The following USP10 variants were observed in gnomAD, a reference collection of about 807,000 sequenced individuals.
The protein encoded by USP10 is ubiquitin carboxyl-terminal hydrolase 10.
In USP10, 22 loss-of-function variants were observed where a neutral mutation model predicts 84.5. That is an observed-to-expected ratio of 0.26 (90% CI 0.19 to 0.37). USP10 has a LOEUF of 0.37. USP10 is among the 10% of genes least tolerant of loss of function. USP10 has a pLI of 1.00. For missense variants in USP10, 1,019 were observed against 998.9 expected (o/e 1.02, Z -0.27); for synonymous variants, 454 against 387.6 (o/e 1.17, Z -2.01).
intron 13 of USP10, among the ~76,000 whole-genome samples, chr16:84,776,653 TGCGGGG>T (rs1915052464): frequency 6.6e-6 from 1 of 152,074 alleles, no homozygotes; most frequent in African/African-American, 2.4e-5. Flanking sequence ...TGGAGGCTCT[TGCGGGG>T]GACATCACTG....
intron 1 of USP10, among the ~76,000 whole-genome samples, chr16:84,720,959 T>C (rs1395428262): frequency 6.8e-6 from 1 of 148,040 alleles, no homozygotes; most frequent in African/African-American, 2.5e-5. Flanking sequence ...AGTGGCGCGA[T>C]CTCAGCTCAC....
At chr16:84,716,351 A>G (rs939636571) in intron 1 of USP10, 6 of 152,176 alleles carry the variant, frequency 3.9e-5, no homozygotes, top group Admixed American at 3.3e-4. Flanking sequence ...TCAGGTTCCA[A>G]TCCTGTTCCA....
intron 3 of USP10, among the ~76,000 whole-genome samples, chr16:84,743,123 C>G (rs1159444193): frequency 6.6e-6 from 1 of 152,140 alleles, no homozygotes; most frequent in African/African-American, 2.4e-5. Context: ...AACAGCCAGC[C>G]CCTACATATG....
In USP10 at chr16:84,779,298, T is replaced by G; in HGVS notation, c.*216T>G. 1 of 450,724 alleles carries G rather than the reference T, an allele frequency of 2.2e-6. No individual in the cohort carries two copies. Among genetic ancestry groups the G allele is most frequent in the Non-Finnish European group, 3.9e-6 (1 of 256,014 alleles). 27.9% of individuals were successfully genotyped at this position (450,724 alleles called of 1,614,324 possible). A position where few individuals can be genotyped will look rare whatever the true frequency, so the allele number is the denominator to read the frequency against. On this transcript the variant is annotated 3_prime_UTR_variant, in exon 14 of 14. Coordinates refer to ENST00000219473, the MANE Select transcript of USP10 (RefSeq NM_005153.3). ...AAAATCATTTGGTTGAAACAGACTGTTGCTTGATTTTAGAAAATACACAAA... is the reference window on the plus strand; with the variant it reads ...AAAATCATTTGGTTGAAACAGACTGGTGCTTGATTTTAGAAAATACACAAA...
chr16:84,748,221 T>G (rs990793779), intron 4 of USP10, among the ~76,000 whole-genome samples: 5 of 151,852 alleles, frequency 3.3e-5, no homozygotes, highest in Non-Finnish European at 5.9e-5. Flanking sequence ...AGTTAAAAGT[T>G]TATTTTTAAC....
intron 1 of USP10, among the ~76,000 whole-genome samples, chr16:84,714,122 G>T (rs1460351546): frequency 6.6e-6 from 1 of 152,184 alleles, no homozygotes; most frequent in Admixed American, 6.5e-5. Context: ...GGTGAGCACA[G>T]AGGCGGAGGT....
At chr16:84,765,290 G>A (rs1913727896) in intron 10 of USP10, among the ~76,000 whole-genome samples, 1 of 152,020 alleles carries the variant, frequency 6.6e-6, no homozygotes, top group African/African-American at 2.4e-5. Context: ...AAGAGCAGCT[G>A]CAGTTTTACT....
chr16:84,735,365 A>G (rs1231595058), intron 2 of USP10, among the ~76,000 whole-genome samples: 2 of 152,074 alleles, frequency 1.3e-5, no homozygotes, highest in African/African-American at 2.4e-5. Context: ...CCTGTTTGCA[A>G]GTGAGTAGAC....
At chr16:84,724,080 T>G (rs1449477487) in intron 1 of USP10, among the ~76,000 whole-genome samples, 1 of 152,238 alleles carries the variant, frequency 6.6e-6, no homozygotes, top group Non-Finnish European at 1.5e-5. Flanking sequence ...CTAATTTATC[T>G]GCTGTGTTTC....
chr16:84,703,497 T>G (rs1905137777), intron 1 of USP10, among the ~76,000 whole-genome samples: 1 of 152,244 alleles, frequency 6.6e-6, no homozygotes, highest in South Asian at 2.1e-4. Flanking sequence ...TATGGCTGAA[T>G]GTTACTGTAT....
intron 12 of USP10, among the ~76,000 whole-genome samples, chr16:84,773,671 C>A (rs930447641): frequency 6.6e-6 from 1 of 152,158 alleles, no homozygotes; most frequent in Non-Finnish European, 1.5e-5. Flanking sequence ...ACTCATCAGC[C>A]GATTGCTTTT....
Position 84,721,943 on chromosome 16 carries a change from C to A in USP10, c.22-11492C>A, listed in dbSNP as rs1323120339. Reference sequence around the variant, plus strand: ...GAACTCCTCTCAAGTGATCCTCTCACCTTGGCCTCCCAAAGTGCTGGAATT... The same window carrying A: ...GAACTCCTCTCAAGTGATCCTCTCAACTTGGCCTCCCAAAGTGCTGGAATT... On this transcript the variant is annotated intron_variant, in intron 1 of 13. Transcript: ENST00000219473. Among the ~76,000 whole-genome samples, 4 of 152,246 alleles carry A rather than the reference C, an allele frequency of 2.6e-5. No individual in the cohort carries two copies. The East Asian group carries it at 5.8e-4, about 22-fold the overall frequency.
chr16:84,736,470 G>T (rs578183104), intron 2 of USP10, among the ~76,000 whole-genome samples: 8 of 152,204 alleles, frequency 5.3e-5, no homozygotes, highest in Non-Finnish European at 1.0e-4. Context: ...ACGAATTCAG[G>T]TGAAAGGTAG....
chr16:84,767,534 C>T (rs1433094966), intron 10 of USP10, among the ~76,000 whole-genome samples: 1 of 152,064 alleles, frequency 6.6e-6, no homozygotes. Context: ...TTGGGATTTC[C>T]TCTATTTTAT....
intron 1 of USP10, among the ~76,000 whole-genome samples, chr16:84,702,351 C>A (rs966056322): frequency 6.6e-6 from 1 of 152,030 alleles, no homozygotes; most frequent in Non-Finnish European, 1.5e-5. Flanking sequence ...GCCACTACTG[C>A]GCCTGGCCGA....
intron 4 of USP10, among the ~76,000 whole-genome samples, chr16:84,748,610 A>G (rs1359412652): frequency 6.6e-6 from 1 of 152,180 alleles, no homozygotes; most frequent in Admixed American, 6.5e-5. Context: ...AGCTGAGAAT[A>G]TTATAGTTTC....
chr16:84,712,946 T>G (rs1302650737), intron 1 of USP10, among the ~76,000 whole-genome samples: 2 of 152,176 alleles, frequency 1.3e-5, no homozygotes, highest in East Asian at 3.8e-4. Context: ...GGGGGCTCCG[T>G]GTACTAAAGC....
At chr16:84,702,057 T>C (rs1904947308) in intron 1 of USP10, among the ~76,000 whole-genome samples, 1 of 127,004 alleles carries the variant, frequency 7.9e-6, no homozygotes, top group African/African-American at 3.2e-5. Context: ...TTTTTTTTTT[T>C]TTTTTTTTTT....
At chr16:84,710,930 G>A (rs1354114306) in intron 1 of USP10, among the ~76,000 whole-genome samples, 6 of 152,120 alleles carry the variant, frequency 3.9e-5, no homozygotes, top group African/African-American at 7.2e-5. Flanking sequence ...TAGCAATAAC[G>A]AAATCGTATT....
Sources: allele counts gnomAD v4.1 joint callset (sites outside exome capture counted in the v4.1 genomes callset), GRCh38; gene constraint gnomAD v4.1.1; transcripts MANE v1.5; gene names NCBI Gene and HGNC (gene_info 2026-07-23, HGNC 2026-07-21).